DAB1: variants seen among roughly 807,000 people sequenced by gnomAD.
The protein encoded by DAB1 is DAB adaptor protein 1.
In DAB1, 15 loss-of-function variants were observed where a neutral mutation model predicts 64.6. That is an observed-to-expected ratio of 0.23 (90% CI 0.16 to 0.36). DAB1 has a LOEUF of 0.36. DAB1 is among the 10% of genes least tolerant of loss of function. The probability of loss-of-function intolerance (pLI) is 1.00; values close to 1 mark genes in which losing one functional copy is unlikely to be tolerated. For synonymous variants in DAB1, 235 were observed against 251.9 expected, an observed-to-expected ratio of 0.93 and a Z score of 0.64; for missense variants, 596 against 706.7, an observed-to-expected ratio of 0.84 and a Z score of 1.78.
chr1:57,854,711 A>C (rs181224759), intron 1 of DAB1, among the ~76,000 whole-genome samples: 300 of 152,292 alleles, frequency 2.0e-3, no homozygotes, highest in African/African-American at 6.9e-3. Flanking sequence ...AACTTGGCAC[A>C]GGAGTGAATG....
chr1:58,503,212 G>A (rs922597375), intron 3 of DAB1, among the ~76,000 whole-genome samples: 2 of 152,080 alleles, frequency 1.3e-5, no homozygotes, highest in African/African-American at 4.8e-5. Flanking sequence ...AAATTCAAGA[G>A]AAAATCATAT....
At chr1:57,308,802 G>A (rs953281774) in intron 1 of DAB1, among the ~76,000 whole-genome samples, 2 of 152,194 alleles carry the variant, frequency 1.3e-5, no homozygotes, top group Non-Finnish European at 2.9e-5. Context: ...GAGCAACTGA[G>A]GCTCTGGGAA....
At chr1:58,506,918 T>C (rs1983078) in intron 2 of DAB1, among the ~76,000 whole-genome samples, 322 of 152,180 alleles carry the variant, frequency 2.1e-3, no homozygotes, top group African/African-American at 7.4e-3. Context: ...TTTAAAAGAA[T>C]ATATGTAGAT....
In DAB1 at chr1:57,941,694, G is replaced by T. The variant is rs561584962; in HGVS notation, n.388-57532C>A. On this transcript the variant is annotated intron_variant and non_coding_transcript_variant, in intron 5 of 20. Coordinates refer to the DAB1 transcript ENST00000485760. Reference sequence around the variant, plus strand: ...TACTAAAAATACAAAAATTAGCCAGGCTTGGTGGTGGGTGCCTGTAATCCC... The same window carrying T: ...TACTAAAAATACAAAAATTAGCCAGTCTTGGTGGTGGGTGCCTGTAATCCC... Among the ~76,000 whole-genome samples the T allele has an allele frequency of 6.6e-5, 10 of 152,256 alleles. No homozygotes were observed. In the South Asian group the frequency reaches 2.1e-3, roughly 32 times the overall value.
chr1:58,451,968 AGTG>A (rs1321178437), intron 3 of DAB1, among the ~76,000 whole-genome samples: 1 of 143,636 alleles, frequency 7.0e-6, no homozygotes, highest in Non-Finnish European at 1.5e-5. Flanking sequence ...CCCAGACTGG[AGTG>A]CAATGGCACG....
At chr1:57,110,572 G>A (rs1397583411) in intron 4 of DAB1, among the ~76,000 whole-genome samples, 2 of 152,206 alleles carry the variant, frequency 1.3e-5, no homozygotes, top group East Asian at 3.9e-4. Context: ...AACGTATTTA[G>A]TGAACATTAC....
intron 5 of DAB1, among the ~76,000 whole-genome samples, chr1:58,127,046 A>G (rs1384797060): frequency 6.6e-6 from 1 of 150,704 alleles, no homozygotes; most frequent in Admixed American, 6.6e-5. Flanking sequence ...TGACTTCCAC[A>G]ATGGTTGAAC....
intron 4 of DAB1, among the ~76,000 whole-genome samples, chr1:57,077,218 G>A (rs565518415): frequency 6.6e-6 from 1 of 152,148 alleles, no homozygotes; most frequent in East Asian, 1.9e-4. Flanking sequence ...AAGGCAGCTA[G>A]GTTCTGAGAA....
chr1:58,263,813 T>C (rs988515966), intron 4 of DAB1, among the ~76,000 whole-genome samples: 7 of 152,240 alleles, frequency 4.6e-5, no homozygotes, highest in African/African-American at 1.4e-4. Context: ...ACCTGATATA[T>C]TGTAGAAGCT....
At chr1:57,518,976 A>G (rs1010581740) in intron 7 of DAB1, among the ~76,000 whole-genome samples, 6 of 152,116 alleles carry the variant, frequency 3.9e-5, no homozygotes, top group Admixed American at 3.3e-4. Context: ...TTAATTGTTC[A>G]TTCTCTTAGT....
At chr1:57,614,472 G>C (rs1645765502) in intron 7 of DAB1, among the ~76,000 whole-genome samples, 1 of 152,172 alleles carries the variant, frequency 6.6e-6, no homozygotes, top group Non-Finnish European at 1.5e-5. Flanking sequence ...ACTGGTCCAT[G>C]ATGAAGCTTT....
At chr1:57,907,139 T>C (rs1644565300) in intron 5 of DAB1, among the ~76,000 whole-genome samples, 1 of 152,192 alleles carries the variant, frequency 6.6e-6, no homozygotes, top group African/African-American at 2.4e-5. Context: ...CATTAGTTAT[T>C]CTGTGTCCAA....
At chr1:57,650,288 G>T (rs1646241103) in intron 6 of DAB1, among the ~76,000 whole-genome samples, 1 of 150,524 alleles carries the variant, frequency 6.6e-6, no homozygotes, top group Non-Finnish European at 1.5e-5. Flanking sequence ...GAGGCTACAG[G>T]TGTGCCACCA....
At chr1:57,204,600 T>C (rs901725469) in intron 2 of DAB1, among the ~76,000 whole-genome samples, 5 of 152,230 alleles carry the variant, frequency 3.3e-5, no homozygotes, top group Non-Finnish European at 5.9e-5. Context: ...CTTGGGCATG[T>C]ATTCAATAGC....
At chr1:58,143,359 A>C (rs1223264248) in intron 5 of DAB1, among the ~76,000 whole-genome samples, 1 of 152,114 alleles carries the variant, frequency 6.6e-6, no homozygotes, top group Non-Finnish European at 1.5e-5. Flanking sequence ...TAGCCACCCC[A>C]CCAGTGCATC....
intron 2 of DAB1, among the ~76,000 whole-genome samples, chr1:57,228,349 A>T (rs1198860457): frequency 2.0e-5 from 3 of 152,222 alleles, no homozygotes; most frequent in Non-Finnish European, 4.4e-5. Context: ...TACCAAAAAT[A>T]TGTGTATATA....
At chr1:58,197,703 C>CTTTTT (rs3053698) in intron 4 of DAB1, among the ~76,000 whole-genome samples, 1 of 139,964 alleles carries the variant, frequency 7.1e-6, no homozygotes, top group Non-Finnish European at 1.5e-5. Context: ...GAGAGTTACA[C>CTTTTT]TTTTTTTTTT....
intron 6 of DAB1, among the ~76,000 whole-genome samples, chr1:57,813,607 G>C (rs994616824): frequency 1.3e-5 from 2 of 152,186 alleles, no homozygotes; most frequent in African/African-American, 4.8e-5. Context: ...TAGTTCATAG[G>C]AGACATTTCA....
At chr1:58,220,456 C>T (rs979778836) in intron 4 of DAB1, among the ~76,000 whole-genome samples, 2 of 152,062 alleles carry the variant, frequency 1.3e-5, no homozygotes, top group Non-Finnish European at 2.9e-5. Context: ...TCCAGGAAAC[C>T]AAAGACTATT....
Sources: gnomAD v4.1 joint callset for allele counts (sites outside exome capture counted in the v4.1 genomes callset) on GRCh38, gnomAD v4.1.1 for gene constraint, MANE v1.5 for transcripts, NCBI Gene and HGNC (gene_info 2026-07-23, HGNC 2026-07-21) for gene names.